Variants in TCL1A observed in about 807,000 individuals in gnomAD.
TCL1A encodes the protein T-cell leukemia/lymphoma protein 1A.
TCL1A carries 9 observed loss-of-function variants against 16.9 expected under a neutral mutation model. The ratio of observed to expected loss-of-function variants is 0.53; its 90% confidence interval spans 0.32 to 0.93. The LOEUF (loss-of-function observed/expected upper bound fraction) is 0.93. Ranked by LOEUF, TCL1A falls within the 40% of genes least tolerant of loss-of-function variation. The pLI is 0.04. For synonymous variants in TCL1A, 69 were observed against 63.2 expected (o/e 1.09, Z -0.44); for missense variants, 139 against 153.0 (o/e 0.91, Z 0.48).
intron 1 of TCL1A, among the ~76,000 whole-genome samples, chr14:95,713,175 C>T (rs1196325604): frequency 6.6e-6 from 1 of 152,084 alleles, no homozygotes; most frequent in East Asian, 1.9e-4. Flanking sequence ...CATTTTTGTG[C>T]CTCAGTTTCC....
rs1595065853 is a variant in TCL1A at position 95,711,800 on chromosome 14, A to C, written c.300T>G (p.Ile100Met). Reference protein sequence around the residue: ...SFWRLVYHIKIDGVEDMLLEL... With the variant: ...SFWRLVYHIKMDGVEDMLLEL... ...CGAGAAGCATGTCCTCCACGCCGTC[A>C]ATCTGAGAGGCAGAGAGAGAGAGAA... The change falls in exon 3 of 4, where the codon ATT (isoleucine) becomes ATG (methionine). Residue 100 changes from isoleucine (I) to methionine (M), a missense_variant and splice_region_variant. By Grantham distance (10) the Ile-to-Met change is conservative. Coordinates refer to ENST00000402399, the MANE Select transcript of TCL1A (RefSeq NM_021966.3). The C allele has an allele frequency of 3.1e-6, 5 of 1,611,196 alleles. No homozygotes were observed. The highest frequency in any genetic ancestry group is 4.2e-6 in the Non-Finnish European group (5 of 1,179,958).
intron 1 of TCL1A, among the ~76,000 whole-genome samples, chr14:95,713,310 G>T (rs1886427912): frequency 6.6e-6 from 1 of 151,978 alleles, no homozygotes; most frequent in Non-Finnish European, 1.5e-5. Flanking sequence ...AACATTTTTT[G>T]ACTCTTTTTC....
intron 1 of TCL1A, among the ~76,000 whole-genome samples, chr14:95,713,700 T>C (rs1049206085): frequency 3.3e-5 from 5 of 152,288 alleles, no homozygotes; most frequent in East Asian, 1.9e-4. Flanking sequence ...TAGTCAACAT[T>C]ATAGTCACAC....
intron 1 of TCL1A, among the ~76,000 whole-genome samples, chr14:95,713,096 T>C (rs1032092371): frequency 6.6e-6 from 1 of 152,306 alleles, no homozygotes; most frequent in African/African-American, 2.4e-5. Flanking sequence ...AAATGCAGAT[T>C]TTGTGGTGGT....
Position 95,712,345 on chromosome 14 carries a change from GGAC to G in TCL1A, c.169_171del (p.Val57del). On this transcript the variant is annotated inframe_deletion, in exon 2 of 4. Transcript: ENST00000402399. ...TGGGTGGGGGTCATAGGCCTCCCCA[GGAC>G]GACGTCTTCCCGACGCAAGAGCACC... The G allele has an allele frequency of 6.2e-7, 1 of 1,613,880 alleles. No homozygotes were observed. The highest frequency in any genetic ancestry group is 8.5e-7 in the Non-Finnish European group (1 of 1,179,814).
At position 95,714,032 on chromosome 14, in the gene TCL1A, G is replaced by A. The variant is rs769516941; in HGVS notation, c.35C>T (p.Thr12Ile). The A allele has an allele frequency of 6.2e-6, 10 of 1,613,984 alleles. No homozygotes were observed. The highest frequency in any genetic ancestry group is 1.3e-5 in the African/African-American group (1 of 74,956). Residue 12 changes from threonine to isoleucine, a missense_variant, in exon 1 of 4, where the codon ACC (threonine) becomes ATC (isoleucine). Around this residue, in one of 2 missense-constraint regions of TCL1A, gnomAD observed 94 missense variants for 80.2 expected, o/e 1.17. Coordinates refer to ENST00000402399, the MANE Select transcript of TCL1A (RefSeq NM_021966.3). ...GGCCCACAGGCGGTCCGGGTGGTCG[G>A]TGACTGCCTCCCCGAGTGTCGGGCA... The part of the protein sequence containing the change: ...AECPTLGEAV[T>I]DHPDRLWAWE...
intron 1 of TCL1A, among the ~76,000 whole-genome samples, chr14:95,713,578 C>T (rs567366276): frequency 5.3e-5 from 8 of 152,228 alleles, no homozygotes; most frequent in East Asian, 3.9e-4. Flanking sequence ...TTTAAAAATA[C>T]AGATTTCTGG....
Position 95,714,098 on chromosome 14 carries a change from C to CA in TCL1A, c.-33dup, listed in dbSNP as rs1224247856. ...CTCGGGCCGCCTAAGAAGCAAGAGC[C>CA]AGAGCCTCTCAAGGCCGCTCGCTGG... On this transcript the variant is annotated 5_prime_UTR_variant, in exon 1 of 4. Transcript: ENST00000402399. 49 of 1,611,046 alleles carry CA rather than the reference C, an allele frequency of 3.0e-5. No individual in the cohort carries two copies. Among genetic ancestry groups the CA allele is most frequent in the Non-Finnish European group, 4.2e-5 (49 of 1,179,632 alleles).
At chr14:95,712,926 G>A (rs1403393795) in intron 1 of TCL1A, among the ~76,000 whole-genome samples, 1 of 152,100 alleles carries the variant, frequency 6.6e-6, no homozygotes, top group Non-Finnish European at 1.5e-5. Flanking sequence ...TGTCTGGTTC[G>A]TGGTTTTGGT....
At position 95,712,520 on chromosome 14, in the gene TCL1A, A is replaced by G. The variant is rs1595066618; in HGVS notation, c.121-124T>C. ...ATCTGGGCAGGGGTCCGAGTGTGAA[A>G]TGATGGTCATCACTGTTCCCTGAAG... On this transcript the variant is annotated intron_variant, in intron 1 of 3. Coordinates refer to ENST00000402399, the MANE Select transcript of TCL1A (RefSeq NM_021966.3). The G allele has an allele frequency of 2.5e-5, 37 of 1,487,842 alleles. No individual in the cohort carries two copies. The South Asian group carries it at 4.7e-4, about 19-fold the overall frequency. 92.2% of individuals were successfully genotyped at this position (1,487,842 alleles called of 1,614,324 possible).
chr14:95,712,900 T>C (rs748919138), intron 1 of TCL1A: 10 of 228,378 alleles, frequency 4.4e-5, no homozygotes, highest in Non-Finnish European at 7.2e-5. Context: ...GCATGTATCA[T>C]GATTTTATGA....
rs367806687 is a variant in TCL1A, at chr14:95,711,978, A to G, written c.298-176T>C. 187 of 915,306 alleles carry G rather than the reference A, an allele frequency of 2.0e-4. 1 individual carries two copies. The African/African-American group carries it at 2.8e-3, about 14-fold the overall frequency. The allele number at this position is 915,306 out of a possible 1,614,324, so 56.7% of individuals were successfully genotyped here. A position where few individuals can be genotyped will look rare whatever the true frequency, so the allele number is the denominator to read the frequency against. On this transcript the variant is annotated intron_variant, in intron 2 of 3. Transcript: ENST00000402399. The stretch of plus-strand genomic sequence containing the variant: ...ACCAGCCTTCAGCCTGTGACTGCCC[A>G]CCAGAGATGTCTTCCTGCGGCTAGC...
At chr14:95,711,966 C>G in intron 2 of TCL1A, 164 bp from the exon 3 acceptor site, 1 of 955,318 alleles carries the variant, frequency 1.0e-6, no homozygotes, top group Non-Finnish European at 1.5e-6. Context: ...AGCCTTCAGC[C>G]TGTGACTGCC....
chr14:95,713,524 A>G (rs1644370789), intron 1 of TCL1A, among the ~76,000 whole-genome samples: 1 of 152,178 alleles, frequency 6.6e-6, no homozygotes, highest in African/African-American at 2.4e-5. Context: ...ACTCTAGGCC[A>G]GTGTTTGCTA....
chr14:95,713,138 C>T (rs2139721980), intron 1 of TCL1A, among the ~76,000 whole-genome samples: 1 of 152,342 alleles, frequency 6.6e-6, no homozygotes, highest in Admixed American at 6.5e-5. Context: ...CCATTACCTA[C>T]TAGCAATCTT....
intron 1 of TCL1A, among the ~76,000 whole-genome samples, chr14:95,713,413 TAA>T (rs1886432751): frequency 2.0e-5 from 3 of 152,156 alleles, no homozygotes; most frequent in Non-Finnish European, 4.4e-5. Flanking sequence ...CATCACACAT[TAA>T]AAAAGTCAAT....
intron 1 of TCL1A, among the ~76,000 whole-genome samples, chr14:95,713,659 T>G (rs1886454531): frequency 1.3e-5 from 2 of 152,338 alleles, no homozygotes; most frequent in African/African-American, 2.4e-5. Flanking sequence ...TTTTAAGGAT[T>G]AGGACCCCGA....
chr14:95,711,278 T>G (rs1282232019), intron 3 of TCL1A, among the ~76,000 whole-genome samples: 1 of 126,108 alleles, frequency 7.9e-6, no homozygotes, highest in African/African-American at 3.1e-5. Context: ...GCTAACACGG[T>G]GAAACCCCGT....
chr14:95,713,980 C>T lies in TCL1A; in HGVS notation c.87G>A (p.Glu29=). 3.1e-6 allele frequency: 5 copies of T among 1,614,098 alleles called. No individual in the cohort carries two copies. The highest frequency in any genetic ancestry group is 3.4e-6 in the Non-Finnish European group (4 of 1,180,038). ...WAWEKFVYLD[E]KQHAWLPLTI... is the part of the protein sequence containing the mutation. ...TTAAGGGCAGCCAGGCGTGCTGCTTCTCGTCCAAATACACGAACTTCTCCC... is the reference window on the plus strand; with the variant it reads ...TTAAGGGCAGCCAGGCGTGCTGCTTTTCGTCCAAATACACGAACTTCTCCC... Residue 29 remains glutamate, a synonymous_variant, in exon 1 of 4, where the codon GAG becomes GAA. Transcript: ENST00000402399.
Sources: allele counts gnomAD v4.1 joint callset (sites outside exome capture counted in the v4.1 genomes callset), GRCh38; gene constraint gnomAD v4.1.1; regional missense constraint gnomAD v4.1.1; transcripts MANE v1.5; gene names NCBI Gene and HGNC (gene_info 2026-07-23, HGNC 2026-07-21).